Variants in SAP130 observed in about 807,000 individuals in gnomAD.
SAP130 encodes Sin3A associated protein 130, also known as histone deacetylase complex subunit SAP130.
Under a neutral mutation model 103.2 loss-of-function variants are expected in SAP130, and 16 were observed. The ratio of observed to expected loss-of-function variants is 0.16; its 90% CI spans 0.10 to 0.24. The LOEUF (loss-of-function observed/expected upper bound fraction) is 0.24, where lower values mean the gene tolerates loss of function less well. Ranked by LOEUF, SAP130 falls within the 10% of genes least tolerant of loss-of-function variation. SAP130 has a pLI of 1.00. For missense variants in SAP130, 990 were observed against 1,359.7 expected (o/e 0.73, Z 4.28); for synonymous variants, 477 against 497.0 (o/e 0.96, Z 0.53).
rs146275948 is a variant in SAP130 at position 127,988,390 on chromosome 2, T to C, written c.1780+1174A>G. ...AGTGAGCCATGATTGTACCACTGTGTTCCAGCTGGGCAACAGAGTGAGTGA... is the reference window on the plus strand; with the variant it reads ...AGTGAGCCATGATTGTACCACTGTGCTCCAGCTGGGCAACAGAGTGAGTGA... On this transcript the variant is annotated intron_variant, in intron 13 of 20. Coordinates refer to ENST00000643581, the MANE Select transcript of SAP130 (RefSeq NM_001330301.2). Among the ~76,000 whole-genome samples, 385 of 150,342 alleles carry C rather than the reference T, an allele frequency of 2.6e-3. 3 individuals carry two copies. The highest frequency in any genetic ancestry group is 4.3e-3 in the Non-Finnish European group (289 of 67,754).
chr2:127,971,477 C>T (rs564022391), intron 15 of SAP130, among the ~76,000 whole-genome samples: 1 of 152,142 alleles, frequency 6.6e-6, no homozygotes, highest in East Asian at 1.9e-4. Flanking sequence ...TTAGTAGAGA[C>T]GGGGTTTCAC....
chr2:127,951,603 C>T (rs1679500657), intron 16 of SAP130, among the ~76,000 whole-genome samples: 1 of 152,154 alleles, frequency 6.6e-6, no homozygotes, highest in Non-Finnish European at 1.5e-5. Flanking sequence ...GGTCTGAACC[C>T]TATAATCACT....
intron 2 of SAP130, among the ~76,000 whole-genome samples, chr2:128,020,931 G>T (rs1337556810): frequency 6.6e-6 from 1 of 152,100 alleles, no homozygotes; most frequent in Admixed American, 6.6e-5. Flanking sequence ...AGGAGGCAGA[G>T]GTTGCAGCGA....
chr2:128,024,850 G>A (rs1371085004), intron 2 of SAP130, among the ~76,000 whole-genome samples: 1 of 151,836 alleles, frequency 6.6e-6, no homozygotes, highest in Non-Finnish European at 1.5e-5. Context: ...CTGCACTCCA[G>A]CCTGGGCCAC....
Position 127,989,819 on chromosome 2 carries a change from C to G in SAP130, c.1525G>C (p.Gly509Arg). The change falls in exon 13 of 21, where the codon GGG becomes CGG. Residue 509 changes from glycine to arginine, a missense_variant. Around this residue, in one of 6 missense-constraint regions of SAP130, gnomAD observed 336 missense variants for 520.1 expected, o/e 0.65. Coordinates refer to ENST00000643581, the MANE Select transcript of SAP130 (RefSeq NM_001330301.2). This position sits in a 1 kb window ranked among gnomAD's most constrained non-coding sequence, Gnocchi z 4.6. The stretch of plus-strand genomic sequence containing the variant: ...TTTAGGTGGACGGTAGACGCTACCC[C>G]AACACCAGTCTGAGCTGTGATGGCA... ...NSAITAQTGV[G>R]VASTVHLNPM... 1.9e-6 allele frequency: 3 copies of G among 1,614,172 alleles called. No individual in the cohort carries two copies. The highest frequency in any genetic ancestry group is 2.5e-6 in the Non-Finnish European group (3 of 1,180,036).
Position 127,941,730 on chromosome 2 carries a change from T to G in SAP130, c.*276A>C. The G allele has an allele frequency of 4.7e-6, 2 of 423,620 alleles. No individual in the cohort carries two copies. Among genetic ancestry groups the G allele is most frequent in the Non-Finnish European group, 8.3e-6 (2 of 240,604 alleles). The allele number at this position is 423,620 out of a possible 1,614,324, so 26.2% of individuals were successfully genotyped here. A position where few individuals can be genotyped will look rare whatever the true frequency, so the allele number is the denominator to read the frequency against. ...AACACCAGCCAGCCATCCTTGTCAT[T>G]GCTTCCAACTGGTGGACACTGATGC... On this transcript the variant is annotated 3_prime_UTR_variant, in exon 21 of 21. Transcript: ENST00000643581.
chr2:127,986,180 G>C lies in SAP130; in HGVS notation c.1958+605C>G, dbSNP rs951822579. On this transcript the variant is annotated intron_variant, in intron 14 of 20. Transcript: ENST00000643581. The surrounding 1 kb of genome is among the most constrained non-coding windows in gnomAD (Gnocchi z 4.7). ...ATAAGGCAGGGGTCTAATTGAGCTG[G>C]TTAATGCAAGCCATCTATGGATGGC... is the stretch of plus-strand genomic sequence containing the variant. 6.6e-6 allele frequency among the ~76,000 whole-genome samples: 1 copy of C among 152,240 alleles called. No homozygotes were observed. The highest frequency in any genetic ancestry group is 1.5e-5 in the Non-Finnish European group (1 of 68,044).
chr2:127,944,735 A>G (rs2104848427), intron 19 of SAP130, among the ~76,000 whole-genome samples: 1 of 151,924 alleles, frequency 6.6e-6, no homozygotes, highest in East Asian at 1.9e-4. Context: ...CTCTACAAAA[A>G]ATTTTAAAAA....
At position 127,996,530 on chromosome 2, in the gene SAP130, C is replaced by A; in HGVS notation, c.1214-39G>T. On this transcript the variant is annotated intron_variant, in intron 10 of 20. Coordinates refer to ENST00000643581, the MANE Select transcript of SAP130 (RefSeq NM_001330301.2). This position sits in a 1 kb window ranked among gnomAD's most constrained non-coding sequence, Gnocchi z 4.3. ...ATGCCAATTCCATGACCATTCTACA[C>A]TTTTTTTTGGCATGCCAAAACATTC... is the stretch of plus-strand genomic sequence containing the variant. 7.1e-7 allele frequency: 1 copy of A among 1,410,594 alleles called. No individual in the cohort carries two copies. The highest frequency in any genetic ancestry group is 9.4e-7 in the Non-Finnish European group (1 of 1,067,082). 87.4% of individuals were successfully genotyped at this position (1,410,594 alleles called of 1,614,324 possible).
intron 12 of SAP130, among the ~76,000 whole-genome samples, chr2:127,991,345 AT>A (rs914320913): frequency 6.6e-6 from 1 of 151,868 alleles, no homozygotes; most frequent in East Asian, 1.9e-4. Context: ...ATTAATAAAC[AT>A]TTTTTTTGGG....
At chr2:128,003,792 A>C (rs999243916) in intron 7 of SAP130, among the ~76,000 whole-genome samples, 1 of 151,868 alleles carries the variant, frequency 6.6e-6, no homozygotes, top group Non-Finnish European at 1.5e-5. Context: ...AGTGTTTGAG[A>C]TTTTGGAATT....
rs1247335289 is a variant in SAP130, at chr2:127,942,186, C to T, written c.3016-22G>A. ...TTCCCTGAAACAGAAGACATTGCATCATCAATCAGTGACCATGAGGATAGT... is the reference window on the plus strand; with the variant it reads ...TTCCCTGAAACAGAAGACATTGCATTATCAATCAGTGACCATGAGGATAGT... On this transcript the variant is annotated intron_variant, in intron 20 of 20. Coordinates refer to ENST00000643581, the MANE Select transcript of SAP130 (RefSeq NM_001330301.2). This position sits in a 1 kb window ranked among gnomAD's most constrained non-coding sequence, Gnocchi z 4.8. 9 of 1,571,788 alleles carry T rather than the reference C, an allele frequency of 5.7e-6. No homozygotes were observed. Among genetic ancestry groups the T allele is most frequent in the Non-Finnish European group, 7.7e-6 (9 of 1,163,516 alleles).
intron 15 of SAP130, among the ~76,000 whole-genome samples, chr2:127,977,221 G>A (rs1035108301): frequency 1.1e-4 from 17 of 151,902 alleles, no homozygotes; most frequent in Non-Finnish European, 2.1e-4. Flanking sequence ...CCGGCATGGT[G>A]GTTCATGCAT....
intron 19 of SAP130, among the ~76,000 whole-genome samples, chr2:127,943,498 G>A (rs1678849191): frequency 6.6e-6 from 1 of 152,162 alleles, no homozygotes; most frequent in South Asian, 2.1e-4. Context: ...TAGATGTTAT[G>A]AACTACCACA....
At chr2:127,983,646 A>G (rs1442748835) in intron 14 of SAP130, among the ~76,000 whole-genome samples, 1 of 152,170 alleles carries the variant, frequency 6.6e-6, no homozygotes, top group Non-Finnish European at 1.5e-5. Flanking sequence ...TAGAGGGCAC[A>G]GTACAAGGGT....
At chr2:128,027,173 G>A (rs764649552) in intron 1 of SAP130, 2 of 1,261,750 alleles carry the variant, frequency 1.6e-6, no homozygotes, top group Non-Finnish European at 2.0e-6. Flanking sequence ...TCTCGGCGGC[G>A]GCGATGTGCT....
intron 2 of SAP130, among the ~76,000 whole-genome samples, chr2:128,018,720 A>C (rs138295964): frequency 2.0e-5 from 3 of 151,380 alleles, no homozygotes; most frequent in Non-Finnish European, 4.4e-5. Flanking sequence ...TAACCCTGGG[A>C]GGTCAAGGCT....
chr2:127,961,667 T>C (rs1680261060), intron 15 of SAP130, among the ~76,000 whole-genome samples: 1 of 152,096 alleles, frequency 6.6e-6, no homozygotes, highest in Non-Finnish European at 1.5e-5. Context: ...TAACTGGGAA[T>C]ATTTGGAGGC....
At chr2:127,956,888 T>C (rs992112373) in intron 15 of SAP130, among the ~76,000 whole-genome samples, 14 of 152,052 alleles carry the variant, frequency 9.2e-5, no homozygotes, top group Admixed American at 2.0e-4. Flanking sequence ...TAACCAAAGG[T>C]CACAGAAGTT....
Sources: allele counts gnomAD v4.1 joint callset (sites outside exome capture counted in the v4.1 genomes callset), GRCh38; gene constraint gnomAD v4.1.1; regional missense constraint gnomAD v4.1.1; non-coding constraint Gnocchi (gnomAD v3.1); transcripts MANE v1.5; gene names NCBI Gene and HGNC (gene_info 2026-07-23, HGNC 2026-07-21).